The following PIP4K2A variants were observed in gnomAD, a reference collection of about 807,000 sequenced individuals.
PIP4K2A encodes phosphatidylinositol-5-phosphate 4-kinase type 2 alpha.
In PIP4K2A, 14 loss-of-function variants were observed where a neutral mutation model predicts 42.9. The observed-to-expected ratio is 0.33, with a 90% CI of 0.22 to 0.51. The LOEUF (loss-of-function observed/expected upper bound fraction) is 0.51, where lower values mean the gene tolerates loss of function less well. Ranked by LOEUF, PIP4K2A falls within the 20% of genes least tolerant of loss-of-function variation. The probability of loss-of-function intolerance (pLI) is 0.97; values close to 1 mark genes in which losing one functional copy is unlikely to be tolerated. For synonymous variants in PIP4K2A, 192 were observed against 192.2 expected (o/e 1.00, Z 0.01); for missense variants, 434 against 519.8 (o/e 0.83, Z 1.61).
chr10:22,699,558 G>A (rs1158179727), intron 1 of PIP4K2A, among the ~76,000 whole-genome samples: 1 of 151,540 alleles, frequency 6.6e-6, no homozygotes, highest in African/African-American at 2.4e-5. Flanking sequence ...AAACTCAAAG[G>A]GCCGACAAAT....
chr10:22,547,290 A>C (rs1171980336), intron 7 of PIP4K2A, among the ~76,000 whole-genome samples: 2 of 152,238 alleles, frequency 1.3e-5, no homozygotes, highest in Non-Finnish European at 2.9e-5. Context: ...ATTATCAGAA[A>C]ACAAAGCCTC....
chr10:22,625,423 A>G (rs1838417613), intron 1 of PIP4K2A, among the ~76,000 whole-genome samples: 1 of 152,240 alleles, frequency 6.6e-6, no homozygotes. Flanking sequence ...TAATACTTCT[A>G]TATGACTATA....
intron 1 of PIP4K2A, among the ~76,000 whole-genome samples, chr10:22,657,548 A>C (rs1160300356): frequency 2.6e-5 from 4 of 152,240 alleles, no homozygotes; most frequent in African/African-American, 7.2e-5. Flanking sequence ...CCCTATTCCA[A>C]AGCAAAGACA....
At chr10:22,543,294 C>T (rs1836175780) in intron 7 of PIP4K2A, among the ~76,000 whole-genome samples, 2 of 152,176 alleles carry the variant, frequency 1.3e-5, no homozygotes, top group South Asian at 4.1e-4. Flanking sequence ...GCACCCCGCT[C>T]AGCCCAGCAA....
rs147253002 is a variant in PIP4K2A, at chr10:22,635,163, T to C, written c.145-25446A>G. ...ATTCTGTATCATACTATTAATATAA[T>C]GGTGGGTATGTATCATTATACACTT... On this transcript the variant is annotated intron_variant, in intron 1 of 9. Transcript: ENST00000376573. 6.6e-4 allele frequency among the ~76,000 whole-genome samples: 101 copies of C among 152,242 alleles called. 2 individuals carry two copies. In the East Asian group the frequency reaches 0.017, roughly 25 times the overall value.
At chr10:22,653,216 A>C (rs1303568600) in intron 1 of PIP4K2A, among the ~76,000 whole-genome samples, 1 of 152,174 alleles carries the variant, frequency 6.6e-6, no homozygotes, top group Non-Finnish European at 1.5e-5. Flanking sequence ...ATAAAGAAGA[A>C]GATATGGAAA....
At chr10:22,664,132 T>TATATATATACATATATATATAC (rs1564460055) in intron 1 of PIP4K2A, among the ~76,000 whole-genome samples, 1 of 54,474 alleles carries the variant, frequency 1.8e-5, no homozygotes, top group African/African-American at 1.8e-4. Context: ...TATATATACA[T>TATATATATACATATATATATAC]ATATATATAC....
intron 1 of PIP4K2A, among the ~76,000 whole-genome samples, chr10:22,682,509 T>C (rs529812477): frequency 1.3e-5 from 2 of 152,298 alleles, no homozygotes; most frequent in Non-Finnish European, 2.9e-5. Flanking sequence ...TACAAATTAT[T>C]GGACAGTAAC....
At chr10:22,577,498 C>A (rs1588637847) in intron 4 of PIP4K2A, among the ~76,000 whole-genome samples, 1 of 152,298 alleles carries the variant, frequency 6.6e-6, no homozygotes. Flanking sequence ...TACTGCCTTC[C>A]AACATGAGTA....
chr10:22,535,069 A>G lies in PIP4K2A; in HGVS notation c.*2132T>C, dbSNP rs1835885858. ...CAGGGCAAACGTCCTCACTCTGTCC[A>G]AATGGTTTATCAACAGAAATAAATG... is the stretch of plus-strand genomic sequence containing the variant. On this transcript the variant is annotated 3_prime_UTR_variant, in exon 10 of 10. Coordinates refer to ENST00000376573, the MANE Select transcript of PIP4K2A (RefSeq NM_005028.5). 1 of 152,258 alleles carries G rather than the reference A, an allele frequency of 6.6e-6. No homozygotes were observed. Among genetic ancestry groups the G allele is most frequent in the Admixed American group, 6.5e-5 (1 of 15,288 alleles). The allele number at this position is 152,258 out of a possible 1,614,324, so 9.4% of individuals were successfully genotyped here.
chr10:22,684,414 T>G (rs1839721270), intron 1 of PIP4K2A, among the ~76,000 whole-genome samples: 1 of 152,216 alleles, frequency 6.6e-6, no homozygotes, highest in Admixed American at 6.5e-5. Context: ...TAAGCTTATA[T>G]TCCTTCTGCC....
At chr10:22,643,654 C>T (rs751495818) in intron 1 of PIP4K2A, among the ~76,000 whole-genome samples, 1 of 152,132 alleles carries the variant, frequency 6.6e-6, no homozygotes, top group Admixed American at 6.5e-5. Flanking sequence ...TAACCTAACG[C>T]TGAACCTTTA....
Position 22,714,470 on chromosome 10 carries a change from G to T in PIP4K2A, c.-144C>A. On this transcript the variant is annotated 5_prime_UTR_variant, in exon 1 of 10. Coordinates refer to ENST00000376573, the MANE Select transcript of PIP4K2A (RefSeq NM_005028.5). Reference sequence around the variant, plus strand: ...CCGCTCCGCCCGCCGCCGCCGGCGCGCTCAGCCCCACTCGGCTCGCTCCGC... The same window carrying T: ...CCGCTCCGCCCGCCGCCGCCGGCGCTCTCAGCCCCACTCGGCTCGCTCCGC... 1 of 308,488 alleles carries T rather than the reference G, an allele frequency of 3.2e-6. No individual in the cohort carries two copies. The highest frequency in any genetic ancestry group is 4.7e-6 in the Non-Finnish European group (1 of 213,540). The allele number at this position is 308,488 out of a possible 1,614,324, so 19.1% of individuals were successfully genotyped here.
intron 3 of PIP4K2A, among the ~76,000 whole-genome samples, chr10:22,595,475 A>G (rs746841279): frequency 1.8e-4 from 28 of 152,304 alleles, no homozygotes; most frequent in Non-Finnish European, 3.8e-4. Flanking sequence ...ATGTGTTTTT[A>G]AAGGCAGCAC....
intron 4 of PIP4K2A, among the ~76,000 whole-genome samples, chr10:22,589,913 G>T (rs1015529536): frequency 9.2e-5 from 14 of 152,216 alleles, no homozygotes; most frequent in African/African-American, 2.7e-4. Flanking sequence ...GCTATGAATG[G>T]AAAGTTTGTG....
At chr10:22,615,255 AC>A (rs1309634195) in intron 1 of PIP4K2A, among the ~76,000 whole-genome samples, 6 of 152,158 alleles carry the variant, frequency 3.9e-5, no homozygotes, top group African/African-American at 1.4e-4. Context: ...ACAGGCGCAC[AC>A]CACCATGCAT....
chr10:22,709,059 T>C (rs1286507866), intron 1 of PIP4K2A, among the ~76,000 whole-genome samples: 1 of 151,954 alleles, frequency 6.6e-6, no homozygotes, highest in Non-Finnish European at 1.5e-5. Flanking sequence ...ATGACTAGGA[T>C]TACATGCATG....
chr10:22,627,591 T>TAAAAAAAAAAAAAAAGAAAAAAAAAA (rs1838469967), intron 1 of PIP4K2A, among the ~76,000 whole-genome samples: 1 of 56,994 alleles, frequency 1.8e-5, no homozygotes, highest in Non-Finnish European at 3.1e-5. Context: ...TAATATGTAA[T>TAAAAAAAAAAAAAAAGAAAAAAAAAA]AAAAAAAAAA....
intron 3 of PIP4K2A, among the ~76,000 whole-genome samples, chr10:22,599,104 GTC>G (rs1309112095): frequency 1.0e-4 from 15 of 150,604 alleles, no homozygotes; most frequent in African/African-American, 3.7e-4. Context: ...GGAAAAAAAC[GTC>G]TCTTACTGAA....
Sources: gnomAD v4.1 joint callset for allele counts (sites outside exome capture counted in the v4.1 genomes callset) on GRCh38, gnomAD v4.1.1 for gene constraint, MANE v1.5 for transcripts, NCBI Gene and HGNC (gene_info 2026-07-23, HGNC 2026-07-21) for gene names.